The following YIPF4 variants were observed in gnomAD, a reference collection of about 807,000 sequenced individuals.
The protein encoded by YIPF4 is protein YIPF4.
In YIPF4, 18 loss-of-function variants were observed where a neutral mutation model predicts 29.4. That is an observed-to-expected ratio of 0.61 (90% CI 0.42 to 0.91). YIPF4 has a LOEUF of 0.91. Ranked by LOEUF, YIPF4 falls within the 40% of genes least tolerant of loss-of-function variation. The pLI is 0.00. For synonymous variants in YIPF4, 115 were observed against 104.7 expected (o/e 1.10, Z -0.60); for missense variants, 279 against 282.7 (o/e 0.99, Z 0.09).
chr2:32,279,992 G>A (rs562299393), intron 1 of YIPF4, among the ~76,000 whole-genome samples: 1 of 149,842 alleles, frequency 6.7e-6, no homozygotes, highest in Admixed American at 6.6e-5. Flanking sequence ...AAATTCCTGG[G>A]CTCCAGTGAT....
Position 32,305,894 on chromosome 2 carries a change from G to A in YIPF4, c.*268G>A. 1.9e-6 allele frequency: 2 copies of A among 1,061,034 alleles called. No individual in the cohort carries two copies. The highest frequency in any genetic ancestry group is 2.3e-6 in the Non-Finnish European group (2 of 880,322). The allele number at this position is 1,061,034 out of a possible 1,614,324, so 65.7% of individuals were successfully genotyped here. On this transcript the variant is annotated 3_prime_UTR_variant, in exon 6 of 6. Transcript: ENST00000238831. ...ACAAAAGCATTGTGTTTTTAAGATT[G>A]TGTCGATATTCACCTAAAAACTTGT...
At chr2:32,285,078 C>G (rs577072925) in intron 1 of YIPF4, among the ~76,000 whole-genome samples, 1 of 152,258 alleles carries the variant, frequency 6.6e-6, no homozygotes, top group South Asian at 2.1e-4. Context: ...CCATTATAAT[C>G]ATGCAGACAG....
chr2:32,297,406 C>A (rs1409231577), intron 3 of YIPF4, among the ~76,000 whole-genome samples: 8 of 152,034 alleles, frequency 5.3e-5, no homozygotes. Context: ...CAGGCGTGAG[C>A]CACTGTGCCT....
Position 32,307,429 on chromosome 2 carries a change from C to T in YIPF4, c.*1803C>T, listed in dbSNP as rs2031614385. On this transcript the variant is annotated 3_prime_UTR_variant, in exon 6 of 6. Transcript: ENST00000238831. The stretch of plus-strand genomic sequence containing the variant: ...GCTTTAAGGTATGAATTTTAAAAAT[C>T]ACTTATATGGATCATGTTTACTCCT... 1 of 169,236 alleles carries T rather than the reference C, an allele frequency of 5.9e-6. No homozygotes were observed. The highest frequency in any genetic ancestry group is 6.4e-5 in the Admixed American group (1 of 15,526). The allele number at this position is 169,236 out of a possible 1,614,324, so 10.5% of individuals were successfully genotyped here. A position where few individuals can be genotyped will look rare whatever the true frequency, so the allele number is the denominator to read the frequency against.
At chr2:32,296,126 C>G (rs2031171651) in intron 3 of YIPF4, among the ~76,000 whole-genome samples, 1 of 152,152 alleles carries the variant, frequency 6.6e-6, no homozygotes, top group African/African-American at 2.4e-5. Flanking sequence ...GGTTCTTCAT[C>G]TAGAACATCT....
intron 1 of YIPF4, among the ~76,000 whole-genome samples, chr2:32,287,408 C>A (rs1005911209): frequency 6.6e-6 from 1 of 152,016 alleles, no homozygotes; most frequent in African/African-American, 2.4e-5. Flanking sequence ...TGAGATGAAA[C>A]GAGATGATTT....
chr2:32,295,868 G>A (rs1035626379), intron 3 of YIPF4, among the ~76,000 whole-genome samples: 1 of 152,126 alleles, frequency 6.6e-6, no homozygotes, highest in African/African-American at 2.4e-5. Context: ...CTCCCAAAGT[G>A]CTGGGATTAC....
At chr2:32,291,553 A>G (rs1266037319) in intron 2 of YIPF4, among the ~76,000 whole-genome samples, 1 of 152,184 alleles carries the variant, frequency 6.6e-6, no homozygotes, top group African/African-American at 2.4e-5. Flanking sequence ...TCAAAAACAA[A>G]GAAACAAACC....
At chr2:32,300,190 C>A (rs905297547) in intron 4 of YIPF4, among the ~76,000 whole-genome samples, 3 of 152,178 alleles carry the variant, frequency 2.0e-5, no homozygotes, top group Non-Finnish European at 4.4e-5. Flanking sequence ...CTCTTGAACC[C>A]GGGAGGCGGA....
intron 1 of YIPF4, among the ~76,000 whole-genome samples, chr2:32,278,623 C>G (rs756294499): frequency 3.3e-5 from 5 of 151,990 alleles, no homozygotes; most frequent in Non-Finnish European, 5.9e-5. Flanking sequence ...GGAAGGAGGG[C>G]TGTTTTCTTC....
chr2:32,287,339 CA>C (rs1205786648), intron 1 of YIPF4, among the ~76,000 whole-genome samples: 2 of 152,122 alleles, frequency 1.3e-5, no homozygotes, highest in African/African-American at 4.8e-5. Flanking sequence ...TTCTGTGGCA[CA>C]TATACACAAC....
At chr2:32,280,521 G>GGCGCCCGGCACC (rs1264364150) in intron 1 of YIPF4, among the ~76,000 whole-genome samples, 1 of 151,292 alleles carries the variant, frequency 6.6e-6, no homozygotes, top group African/African-American at 2.4e-5. Flanking sequence ...TAGGACTACA[G>GGCGCCCGGCACC]GCGCCCGGCA....
intron 5 of YIPF4, among the ~76,000 whole-genome samples, chr2:32,302,495 G>A (rs2031440175): frequency 1.3e-5 from 2 of 152,272 alleles, no homozygotes; most frequent in South Asian, 4.1e-4. Flanking sequence ...TATGATAGAT[G>A]TGGTTCTAAT....
intron 1 of YIPF4, among the ~76,000 whole-genome samples, chr2:32,281,267 G>A (rs1235027031): frequency 6.7e-6 from 1 of 149,502 alleles, no homozygotes; most frequent in African/African-American, 2.5e-5. Flanking sequence ...TTGAGACAGA[G>A]TTTCACTCCC....
chr2:32,294,642 G>T (rs1048211048), intron 3 of YIPF4, among the ~76,000 whole-genome samples: 1 of 151,784 alleles, frequency 6.6e-6, no homozygotes, highest in African/African-American at 2.4e-5. Context: ...AGGCAGAGAC[G>T]CTCCTCACTT....
intron 4 of YIPF4, 43 bp from the exon 5 acceptor site, chr2:32,301,339 C>G: frequency 1.6e-6 from 2 of 1,267,738 alleles, no homozygotes; most frequent in Non-Finnish European, 2.3e-6. Flanking sequence ...AAATGAGTAT[C>G]TTGATTTCAA....
At chr2:32,304,313 A>AAAAATGC (rs2031501779) in intron 5 of YIPF4, among the ~76,000 whole-genome samples, 1 of 152,194 alleles carries the variant, frequency 6.6e-6, no homozygotes, top group South Asian at 2.1e-4. Flanking sequence ...AAGCATTTAT[A>AAAAATGC]ATGAAAAAAA....
At chr2:32,297,150 G>C (rs1299155717) in intron 3 of YIPF4, among the ~76,000 whole-genome samples, 1 of 150,356 alleles carries the variant, frequency 6.7e-6, no homozygotes, top group Non-Finnish European at 1.5e-5. Flanking sequence ...TTGAAATGGT[G>C]TTTCACTCTT....
intron 5 of YIPF4, among the ~76,000 whole-genome samples, 174 bp from the exon 6 acceptor site, chr2:32,305,315 G>A (rs72865577): frequency 0.037 from 5,601 of 152,222 alleles, 215 homozygotes; most frequent in African/African-American, 0.1. Flanking sequence ...AAGGAGTAGA[G>A]CAAAGATGGA....
Sources: allele counts gnomAD v4.1 joint callset (sites outside exome capture counted in the v4.1 genomes callset), GRCh38; gene constraint gnomAD v4.1.1; transcripts MANE v1.5; gene names NCBI Gene and HGNC (gene_info 2026-07-23, HGNC 2026-07-21).